Variants in NFATC1 observed in about 807,000 individuals in gnomAD.
The protein encoded by NFATC1 is nuclear factor of activated T-cells, cytoplasmic 1.
Under a neutral mutation model 76.0 loss-of-function variants are expected in NFATC1, and 22 were observed. The ratio of observed to expected loss-of-function variants is 0.29; its 90% CI spans 0.21 to 0.41. NFATC1 has a LOEUF of 0.41. Among genes scored for constraint, NFATC1 ranks in the 10% least tolerant of loss-of-function variants. The pLI, the probability that NFATC1 is intolerant of heterozygous loss-of-function variation, is 1.00. For synonymous variants in NFATC1, 704 were observed against 613.1 expected (o/e 1.15, Z -2.19); for missense variants, 1,357 against 1,337.7 (o/e 1.01, Z -0.23).
At chr18:79,464,915 G>A (rs1400704332) in intron 7 of NFATC1, among the ~76,000 whole-genome samples, 1 of 151,614 alleles carries the variant, frequency 6.6e-6, no homozygotes, top group African/African-American at 2.4e-5. Flanking sequence ...GTGTTGCCCA[G>A]GCTGGTCCTG....
intron 3 of NFATC1, among the ~76,000 whole-genome samples, chr18:79,447,303 C>T (rs769025524): frequency 2.6e-5 from 4 of 152,252 alleles, no homozygotes; most frequent in African/African-American, 4.8e-5. Flanking sequence ...CCTTCTCCCT[C>T]GCCTCGCTGG....
intron 6 of NFATC1, among the ~76,000 whole-genome samples, chr18:79,454,175 G>A (rs1427726451): frequency 3.3e-5 from 5 of 152,162 alleles, no homozygotes; most frequent in Non-Finnish European, 7.3e-5. Context: ...GCTTCTCCAG[G>A]AAGGGCCCCT....
At chr18:79,447,291 C>G (rs1434935531) in intron 3 of NFATC1, among the ~76,000 whole-genome samples, 1 of 152,250 alleles carries the variant, frequency 6.6e-6, no homozygotes, top group Admixed American at 6.5e-5. Context: ...CGGGCTCCCC[C>G]GCCTTCTCCC....
At chr18:79,401,258 C>G (rs937739532) in intron 1 of NFATC1, among the ~76,000 whole-genome samples, 1 of 151,898 alleles carries the variant, frequency 6.6e-6, no homozygotes, top group Non-Finnish European at 1.5e-5. Flanking sequence ...CGTGTCTGCC[C>G]TCCCCGCGCG....
At chr18:79,510,699 G>A (rs772925068) in intron 9 of NFATC1, among the ~76,000 whole-genome samples, 3 of 152,226 alleles carry the variant, frequency 2.0e-5, no homozygotes, top group Non-Finnish European at 2.9e-5. Flanking sequence ...GGGAGCGGTC[G>A]GTTGATAGAA....
intron 7 of NFATC1, among the ~76,000 whole-genome samples, chr18:79,466,629 C>T (rs1259995361): frequency 5.3e-5 from 8 of 152,206 alleles, no homozygotes; most frequent in African/African-American, 1.7e-4. Flanking sequence ...GAGAAGGTAA[C>T]GGCAGCCTCC....
intron 9 of NFATC1, among the ~76,000 whole-genome samples, chr18:79,510,618 A>G (rs750915694): frequency 2.6e-5 from 4 of 152,230 alleles, no homozygotes; most frequent in Admixed American, 6.5e-5. Context: ...ACGCAGTGTC[A>G]TGAGGTTTGA....
chr18:79,400,396 C>T, intron 1 of NFATC1: 16 of 1,485,756 alleles, frequency 1.1e-5, no homozygotes, highest in Non-Finnish European at 1.3e-5. Context: ...CCCGCCATGA[C>T]GGGGCTGGAG....
chr18:79,450,682 G>A (rs977996986), intron 4 of NFATC1, among the ~76,000 whole-genome samples: 1 of 152,208 alleles, frequency 6.6e-6, no homozygotes, highest in African/African-American at 2.4e-5. Context: ...GAGGCTGGAG[G>A]AAGGTGGGAA....
chr18:79,487,124 C>T (rs968899654), intron 9 of NFATC1, among the ~76,000 whole-genome samples, 187 bp downstream of exon 9: 3 of 152,144 alleles, frequency 2.0e-5, no homozygotes, highest in Non-Finnish European at 2.9e-5. Flanking sequence ...CCACCTGGGG[C>T]GCTCGCCGTG....
intron 2 of NFATC1, among the ~76,000 whole-genome samples, chr18:79,417,091 G>A (rs2085902553): frequency 6.6e-6 from 1 of 152,312 alleles, no homozygotes; most frequent in African/African-American, 2.4e-5. Flanking sequence ...GCCCTCAGCT[G>A]TGGTGGGAGA....
Position 79,410,079 on chromosome 18 carries a change from G to A in NFATC1, c.128-324G>A, listed in dbSNP as rs2085608186. 3.0e-6 allele frequency: 2 copies of A among 677,420 alleles called. No homozygotes were observed. The highest frequency in any genetic ancestry group is 5.5e-6 in the Non-Finnish European group (2 of 361,524). The allele number at this position is 677,420 out of a possible 1,614,324, so 42.0% of individuals were successfully genotyped here. A position where few individuals can be genotyped will look rare whatever the true frequency, so the allele number is the denominator to read the frequency against. The stretch of plus-strand genomic sequence containing the variant: ...TGAAGATGGGGTGGTTGGGGAAGGT[G>A]GTTTTTGAATGAAGAGCGGAACCCG... On this transcript the variant is annotated intron_variant, in intron 1 of 9. Transcript: ENST00000427363. The surrounding 1 kb of genome is among the most constrained non-coding windows in gnomAD (Gnocchi z 6.7).
chr18:79,426,487 T>C (rs1296242350), intron 2 of NFATC1, among the ~76,000 whole-genome samples: 1 of 152,214 alleles, frequency 6.6e-6, no homozygotes, highest in African/African-American at 2.4e-5. Context: ...CGAGCCACAC[T>C]GCTGTGGGAC....
intron 2 of NFATC1, 100 bp from the exon 3 acceptor site, chr18:79,433,479 G>T: frequency 1.4e-6 from 2 of 1,395,710 alleles, no homozygotes; most frequent in South Asian, 1.2e-5. Flanking sequence ...ACTCGCCGAT[G>T]AAGTGTCCAC....
intron 2 of NFATC1, among the ~76,000 whole-genome samples, chr18:79,423,801 G>T (rs945246421): frequency 6.6e-6 from 1 of 152,166 alleles, no homozygotes; most frequent in Admixed American, 6.5e-5. Flanking sequence ...CCTCTGGGCC[G>T]CCTTCCCTCC....
chr18:79,469,425 A>G, intron 8 of NFATC1: 1 of 985,432 alleles, frequency 1.0e-6, no homozygotes. Context: ...TGCCCTTCAC[A>G]GGTGGGAGGT....
At chr18:79,520,614 G>GA (rs1569052455) in intron 9 of NFATC1, among the ~76,000 whole-genome samples, 12 of 81,598 alleles carry the variant, frequency 1.5e-4, no homozygotes, top group East Asian at 3.5e-4. Context: ...TGTGTGTGTG[G>GA]GGGGGGCATC....
intron 3 of NFATC1, among the ~76,000 whole-genome samples, chr18:79,439,238 G>C (rs1008956259): frequency 1.3e-5 from 2 of 152,186 alleles, no homozygotes; most frequent in African/African-American, 4.8e-5. Flanking sequence ...TGTTAAACTG[G>C]AAAGCCGGGG....
intron 2 of NFATC1, among the ~76,000 whole-genome samples, chr18:79,415,213 C>T (rs1031173652): frequency 3.9e-5 from 6 of 152,166 alleles, no homozygotes; most frequent in African/African-American, 1.2e-4. Context: ...ATTGGAAAGG[C>T]GGAGGTATTT....
Sources: allele counts gnomAD v4.1 joint callset (sites outside exome capture counted in the v4.1 genomes callset), GRCh38; gene constraint gnomAD v4.1.1; non-coding constraint Gnocchi (gnomAD v3.1); transcripts MANE v1.5; gene names NCBI Gene and HGNC (gene_info 2026-07-23, HGNC 2026-07-21).